ANKRD44: variants seen among roughly 807,000 people sequenced by gnomAD.
ANKRD44 encodes ankyrin repeat domain 44, also known as serine/threonine-protein phosphatase 6 regulatory ankyrin repeat subunit B.
In ANKRD44, 35 loss-of-function variants were observed where a neutral mutation model predicts 116.0. That is an observed-to-expected ratio of 0.30 (90% CI 0.23 to 0.40). The LOEUF (loss-of-function observed/expected upper bound fraction) is 0.40, where lower values mean the gene tolerates loss of function less well. Ranked by LOEUF, ANKRD44 falls within the 10% of genes least tolerant of loss-of-function variation. The pLI, the probability that ANKRD44 is intolerant of heterozygous loss-of-function variation, is 1.00. For missense variants in ANKRD44, 1,014 were observed against 1,242.6 expected (o/e 0.82, Z 2.77); for synonymous variants, 435 against 461.8 (o/e 0.94, Z 0.74).
chr2:197,196,844 T>C (rs1054186255), intron 1 of ANKRD44, among the ~76,000 whole-genome samples: 1 of 152,190 alleles, frequency 6.6e-6, no homozygotes. Flanking sequence ...GTTCTTTTCT[T>C]TGAATTCCAC....
chr2:197,259,648 A>G (rs2082543893), intron 1 of ANKRD44, among the ~76,000 whole-genome samples: 1 of 152,218 alleles, frequency 6.6e-6, no homozygotes, highest in African/African-American at 2.4e-5. Flanking sequence ...ACAGCCAACA[A>G]GCATATGCCG....
intron 16 of ANKRD44, among the ~76,000 whole-genome samples, chr2:197,051,453 G>GA (rs1366502783): frequency 6.6e-6 from 1 of 152,116 alleles, no homozygotes; most frequent in Non-Finnish European, 1.5e-5. Context: ...GAGTGCAGTG[G>GA]CACAATCATA....
At chr2:197,050,671 C>T (rs754480748) in intron 16 of ANKRD44, among the ~76,000 whole-genome samples, 4 of 152,260 alleles carry the variant, frequency 2.6e-5, no homozygotes, top group South Asian at 2.1e-4. Flanking sequence ...GATCCACCCA[C>T]CTTGGCCTCC....
rs112980081 is a variant in ANKRD44 at position 197,259,927 on chromosome 2, A to G, written c.27+50651T>C. Among the ~76,000 whole-genome samples the G allele has an allele frequency of 4.9e-3, 747 of 151,988 alleles. 10 individuals carry two copies. The highest frequency in any genetic ancestry group is 0.017 in the African/African-American group (724 of 41,408). On this transcript the variant is annotated intron_variant, in intron 1 of 27. Transcript: ENST00000282272. Reference sequence around the variant, plus strand: ...GTGTGACTGTTAATTTGAGGGGGGAAAAAAAAAGAAAGAAAGAAAAGAATG... The same window carrying G: ...GTGTGACTGTTAATTTGAGGGGGGAGAAAAAAAGAAAGAAAGAAAAGAATG...
chr2:197,110,949 C>T (rs1236000941), intron 8 of ANKRD44, 105 bp from the exon 9 acceptor site: 3 of 784,870 alleles, frequency 3.8e-6, no homozygotes, highest in African/African-American at 3.4e-5. Context: ...TGAAAACATT[C>T]ATTTATTTAT....
chr2:197,279,346 C>A (rs1490944250), intron 1 of ANKRD44, among the ~76,000 whole-genome samples: 1 of 152,158 alleles, frequency 6.6e-6, no homozygotes, highest in Non-Finnish European at 1.5e-5. Flanking sequence ...AGTAAACAAG[C>A]CATTGAGTCT....
rs2075712754 is a variant in ANKRD44, at chr2:196,971,151, CA to C, written c.2369-3706del. Among the ~76,000 whole-genome samples the C allele has an allele frequency of 2.6e-5, 4 of 152,250 alleles. No homozygotes were observed. The South Asian group carries it at 8.3e-4, about 32-fold the overall frequency. On this transcript the variant is annotated intron_variant, in intron 21 of 21. Coordinates refer to the ANKRD44 transcript ENST00000424317. ...GTCATGCACATCTTCCCTTTAACTA[CA>C]ACTTTACCATTCCTTATACTTTCTT...
At chr2:197,111,638 CAA>C (rs5837523) in intron 8 of ANKRD44, among the ~76,000 whole-genome samples, 2 of 134,928 alleles carry the variant, frequency 1.5e-5, no homozygotes, top group Non-Finnish European at 1.6e-5. Flanking sequence ...GACTCTGTCT[CAA>C]AAAAAAAAAA....
chr2:197,094,926 G>T (rs1037699074), intron 10 of ANKRD44, among the ~76,000 whole-genome samples: 14 of 152,180 alleles, frequency 9.2e-5, no homozygotes, highest in African/African-American at 2.9e-4. Context: ...TCTGGCTGTT[G>T]TCTAATCTGA....
chr2:197,179,687 T>G (rs893203298), intron 2 of ANKRD44, among the ~76,000 whole-genome samples: 4 of 152,242 alleles, frequency 2.6e-5, no homozygotes, highest in African/African-American at 9.6e-5. Context: ...GTCTCTCTTT[T>G]GGAGGCTGGG....
Position 196,988,832 on chromosome 2 carries a change from T to C in ANKRD44, c.*759A>G, listed in dbSNP as rs2075869415. On this transcript the variant is annotated 3_prime_UTR_variant, in exon 28 of 28. Coordinates refer to ENST00000282272, the MANE Select transcript of ANKRD44 (RefSeq NM_001195144.2). Reference sequence around the variant, plus strand: ...GCCCACACACTGCCATCATTTCTCATCAGGTTACTGAGACTATGTGAGCTT... The same window carrying C: ...GCCCACACACTGCCATCATTTCTCACCAGGTTACTGAGACTATGTGAGCTT... 1 of 985,348 alleles carries C rather than the reference T, an allele frequency of 1.0e-6. No homozygotes were observed. The allele number at this position is 985,348 out of a possible 1,614,324, so 61.0% of individuals were successfully genotyped here.
At chr2:197,301,017 C>A (rs2083892400) in intron 1 of ANKRD44, 1 of 152,116 alleles carries the variant, frequency 6.6e-6, no homozygotes, top group Non-Finnish European at 1.5e-5. Context: ...GAACTCCTGA[C>A]CTCAGGTGAG....
At chr2:197,082,847 C>T (rs563231012) in intron 14 of ANKRD44, among the ~76,000 whole-genome samples, 5 of 152,286 alleles carry the variant, frequency 3.3e-5, no homozygotes, top group South Asian at 4.1e-4. Context: ...TCTATTCCTA[C>T]GCACCTAGAA....
chr2:197,137,339 C>A (rs1159029314), intron 3 of ANKRD44, among the ~76,000 whole-genome samples: 2 of 152,082 alleles, frequency 1.3e-5, no homozygotes, highest in East Asian at 3.8e-4. Flanking sequence ...GAAGGGAGCT[C>A]ATGAGGACAG....
At chr2:197,148,813 T>C (rs916145950) in intron 2 of ANKRD44, among the ~76,000 whole-genome samples, 10 of 152,212 alleles carry the variant, frequency 6.6e-5, no homozygotes, top group African/African-American at 1.4e-4. Flanking sequence ...GCAATTACTA[T>C]GGAAAAGTGA....
At chr2:197,068,404 T>TAAA (rs2077486134) in intron 16 of ANKRD44, among the ~76,000 whole-genome samples, 1 of 132,368 alleles carries the variant, frequency 7.6e-6, no homozygotes, top group Non-Finnish European at 1.6e-5. Context: ...AAAATAAAAA[T>TAAA]AAAATAAAAA....
At chr2:197,227,674 C>T (rs941156907) in intron 1 of ANKRD44, among the ~76,000 whole-genome samples, 4 of 151,858 alleles carry the variant, frequency 2.6e-5, no homozygotes, top group East Asian at 1.9e-4. Flanking sequence ...ATCAGAACAA[C>T]GGGAGAGTTG....
At chr2:197,176,500 T>G (rs1449530898) in intron 2 of ANKRD44, among the ~76,000 whole-genome samples, 1 of 152,228 alleles carries the variant, frequency 6.6e-6, no homozygotes, top group African/African-American at 2.4e-5. Context: ...CAGTGCTCTC[T>G]ATACTCATAG....
intron 14 of ANKRD44, 37 bp from the exon 15 acceptor site, chr2:197,081,762 TAA>T: frequency 6.7e-7 from 1 of 1,492,018 alleles, no homozygotes; most frequent in Non-Finnish European, 9.3e-7. Context: ...AAATTGCAAT[TAA>T]TTTTTTAAAT....
Sources: gnomAD v4.1 joint callset for allele counts (sites outside exome capture counted in the v4.1 genomes callset) on GRCh38, gnomAD v4.1.1 for gene constraint, MANE v1.5 for transcripts, NCBI Gene and HGNC (gene_info 2026-07-23, HGNC 2026-07-21) for gene names.